Variants in KAZN observed in about 807,000 individuals in gnomAD.
KAZN encodes the protein kazrin, periplakin interacting protein.
A neutral mutation model predicts 87.4 loss-of-function variants in KAZN; 40 were observed. The observed-to-expected ratio is 0.46, with a 90% CI of 0.36 to 0.60. KAZN has a LOEUF of 0.60. KAZN is among the 20% of genes least tolerant of loss of function. The probability of loss-of-function intolerance (pLI) is 0.00; values close to 1 mark genes in which losing one functional copy is unlikely to be tolerated. For synonymous variants in KAZN, 466 were observed against 458.3 expected, an observed-to-expected ratio of 1.02 and a Z score of -0.22; for missense variants, 898 against 1,073.9, an observed-to-expected ratio of 0.84 and a Z score of 2.29.
intron 1 of KAZN, among the ~76,000 whole-genome samples, chr1:14,721,540 G>A (rs527453228): frequency 1.3e-5 from 2 of 152,340 alleles, no homozygotes; most frequent in East Asian, 1.9e-4. Flanking sequence ...GAACCTTGAA[G>A]GCAGCCTTGT....
At chr1:14,034,270 G>C (rs1300551308) in intron 1 of KAZN, among the ~76,000 whole-genome samples, 2 of 152,058 alleles carry the variant, frequency 1.3e-5, no homozygotes, top group Non-Finnish European at 2.9e-5. Flanking sequence ...GATACAAGCT[G>C]GTGTTTCCTT....
chr1:14,089,285 T>C (rs1396060094), intron 1 of KAZN, among the ~76,000 whole-genome samples: 1 of 152,106 alleles, frequency 6.6e-6, no homozygotes, highest in Non-Finnish European at 1.5e-5. Context: ...ACCACTTCCA[T>C]TTACTGTAAG....
chr1:14,284,120 G>A (rs769870646), intron 2 of KAZN, among the ~76,000 whole-genome samples: 8 of 151,470 alleles, frequency 5.3e-5, no homozygotes, highest in African/African-American at 1.9e-4. Flanking sequence ...GGGCTGGGGG[G>A]AGCAAAGAAA....
chr1:14,976,709 C>T (rs1464431305), intron 2 of KAZN, among the ~76,000 whole-genome samples: 1 of 152,090 alleles, frequency 6.6e-6, no homozygotes, highest in African/African-American at 2.4e-5. Context: ...CATGGACTCT[C>T]CCCCTGGGTG....
chr1:13,971,935 G>C (rs773924370), intron 1 of KAZN, among the ~76,000 whole-genome samples: 1 of 152,066 alleles, frequency 6.6e-6, no homozygotes, highest in South Asian at 2.1e-4. Flanking sequence ...AGTTCCCTGA[G>C]GCCTCCCCAG....
chr1:14,402,051 C>T (rs1293375882), intron 2 of KAZN, among the ~76,000 whole-genome samples: 2 of 149,014 alleles, frequency 1.3e-5, no homozygotes, highest in Non-Finnish European at 3.0e-5. Context: ...AAAAGGCAAA[C>T]AACAATTTTA....
chr1:13,965,810 T>G (rs1641921907), intron 1 of KAZN, among the ~76,000 whole-genome samples: 1 of 152,200 alleles, frequency 6.6e-6, no homozygotes, highest in Admixed American at 6.5e-5. Context: ...CTGATTGAAT[T>G]ACATTGTTTC....
chr1:14,678,215 C>A (rs1460637306), intron 1 of KAZN, among the ~76,000 whole-genome samples: 1 of 152,152 alleles, frequency 6.6e-6, no homozygotes, highest in African/African-American at 2.4e-5. Flanking sequence ...TGGGCACTAG[C>A]CAATCAGCTG....
chr1:13,967,009 C>A (rs896218571), intron 1 of KAZN, among the ~76,000 whole-genome samples: 1 of 152,172 alleles, frequency 6.6e-6, no homozygotes, highest in African/African-American at 2.4e-5. Flanking sequence ...CCCACCCCAC[C>A]CCTCAGCCCA....
chr1:14,382,157 A>T (rs1161126646), intron 2 of KAZN, among the ~76,000 whole-genome samples: 3 of 152,194 alleles, frequency 2.0e-5, no homozygotes, highest in Non-Finnish European at 4.4e-5. Context: ...TGATGCAAGA[A>T]ATTGAAGAAG....
At chr1:13,981,774 A>C (rs78089625) in intron 1 of KAZN, among the ~76,000 whole-genome samples, 1 of 152,210 alleles carries the variant, frequency 6.6e-6, no homozygotes, top group Non-Finnish European at 1.5e-5. Flanking sequence ...GCTCTCGTTC[A>C]GCAGGGGGCC....
intron 2 of KAZN, among the ~76,000 whole-genome samples, chr1:14,556,197 C>T (rs77250548): frequency 0.011 from 1,739 of 151,828 alleles, 28 homozygotes; most frequent in South Asian, 0.081. Flanking sequence ...GCAAGCTCCG[C>T]CTCCTGGGTT....
At chr1:14,340,940 T>G (rs1657664424) in intron 2 of KAZN, among the ~76,000 whole-genome samples, 1 of 135,306 alleles carries the variant, frequency 7.4e-6, no homozygotes, top group Non-Finnish European at 1.5e-5. Flanking sequence ...CAGGCTGGAG[T>G]GCAGTGGCAC....
rs551095128 is a variant in KAZN, at chr1:14,885,225, G to A, written c.227-75459G>A. ...TGTATTAACCAGGAGTCCAGCCTGGGGAAGGTGGCTCGCCCCCATCCTTCT... is the reference window on the plus strand; with the variant it reads ...TGTATTAACCAGGAGTCCAGCCTGGAGAAGGTGGCTCGCCCCCATCCTTCT... On this transcript the variant is annotated intron_variant, in intron 1 of 14. Coordinates refer to ENST00000376030, the MANE Select transcript of KAZN (RefSeq NM_201628.3). Among the ~76,000 whole-genome samples the A allele has an allele frequency of 8.1e-4, 124 of 152,242 alleles. 1 individual carries two copies. The highest frequency in any genetic ancestry group is 6.8e-3 in the Middle Eastern group (2 of 294).
At chr1:14,118,344 C>T (rs918402271) in intron 1 of KAZN, among the ~76,000 whole-genome samples, 6 of 152,166 alleles carry the variant, frequency 3.9e-5, no homozygotes, top group African/African-American at 1.4e-4. Flanking sequence ...TACCATCAAG[C>T]AGGAACATGT....
chr1:14,596,238 A>G (rs951393996), upstream of KAZN, among the ~76,000 whole-genome samples: 1 of 152,178 alleles, frequency 6.6e-6, no homozygotes, highest in African/African-American at 2.4e-5. Context: ...AGAGAGACAT[A>G]TAAACAGATA....
rs553761062 is a variant in KAZN, at chr1:14,220,835, T to C, written c.249+40243T>C. Among the ~76,000 whole-genome samples the C allele has an allele frequency of 2.6e-5, 4 of 152,278 alleles. No homozygotes were observed. The East Asian group carries it at 5.8e-4, about 22-fold the overall frequency. On this transcript the variant is annotated intron_variant, in intron 2 of 16. Coordinates refer to the KAZN transcript ENST00000636203. ...AACCATACTTATACTTGTCAGGTTATTTTTTTCTGCTGAGGAAATGGCCTT... is the reference window on the plus strand; with the variant it reads ...AACCATACTTATACTTGTCAGGTTACTTTTTTCTGCTGAGGAAATGGCCTT...
intron 1 of KAZN, among the ~76,000 whole-genome samples, chr1:14,728,771 A>G (rs996329444): frequency 6.6e-6 from 1 of 151,850 alleles, no homozygotes; most frequent in Non-Finnish European, 1.5e-5. Flanking sequence ...CACAAACGTC[A>G]CTCCCTGGAA....
intron 1 of KAZN, among the ~76,000 whole-genome samples, chr1:14,093,635 G>A (rs554104944): frequency 6.6e-6 from 1 of 151,622 alleles, no homozygotes; most frequent in East Asian, 2.0e-4. Flanking sequence ...TGCCTTCTGA[G>A]TATTTGAGTC....
Sources: allele counts gnomAD v4.1 joint callset (sites outside exome capture counted in the v4.1 genomes callset), GRCh38; gene constraint gnomAD v4.1.1; transcripts MANE v1.5; gene names NCBI Gene and HGNC (gene_info 2026-07-23, HGNC 2026-07-21).